Variants in AGAP1 observed in about 807,000 individuals in gnomAD.
The protein encoded by AGAP1 is arf-GAP with GTPase, ANK repeat and PH domain-containing protein 1.
A neutral mutation model predicts 105.3 loss-of-function variants in AGAP1; 29 were observed. The ratio of observed to expected loss-of-function variants is 0.28; its 90% CI spans 0.21 to 0.38. The LOEUF is 0.38. AGAP1 is among the 10% of genes least tolerant of loss of function. The probability of loss-of-function intolerance (pLI) is 1.00; values close to 1 mark genes in which losing one functional copy is unlikely to be tolerated. For missense variants in AGAP1, 998 were observed against 1,165.1 expected (o/e 0.86, Z 2.09); for synonymous variants, 509 against 485.9 (o/e 1.05, Z -0.63).
Position 236,082,438 on chromosome 2 carries a change from G to T in AGAP1, c.2114+33157G>T, listed in dbSNP as rs1453308649. Among the ~76,000 whole-genome samples the T allele has an allele frequency of 6.6e-6, 1 of 152,196 alleles. No homozygotes were observed. The highest frequency in any genetic ancestry group is 1.5e-5 in the Non-Finnish European group (1 of 68,040). On this transcript the variant is annotated intron_variant, in intron 16 of 17. Coordinates refer to ENST00000304032, the MANE Select transcript of AGAP1 (RefSeq NM_001037131.3). The surrounding 1 kb of genome is among the most constrained non-coding windows in gnomAD (Gnocchi z 4.2). ...CTCACCCACCAGGTCCTGCTACGGG[G>T]CCGCTGCCCATTTGATCTCTCAGGG...
At chr2:235,589,189 GTTTTGTTTTTTTTTTTT>G (rs377320956) in intron 1 of AGAP1, among the ~76,000 whole-genome samples, 9,296 of 54,942 alleles carry the variant, frequency 0.17, 1,108 homozygotes, top group East Asian at 0.38. Flanking sequence ...ATAGCTTATT[GTTTTGTTTTTTTTTTTT>G]TTTTTTTTTT....
At chr2:235,683,371 G>C (rs1031343720) in intron 1 of AGAP1, among the ~76,000 whole-genome samples, 1 of 151,938 alleles carries the variant, frequency 6.6e-6, no homozygotes, top group African/African-American at 2.4e-5. Context: ...AACTATTTTA[G>C]ATACCATTGT....
rs187651572 is a variant in AGAP1 at position 235,660,992 on chromosome 2, C to T, written c.164-48187C>T. 8.5e-4 allele frequency among the ~76,000 whole-genome samples: 129 copies of T among 152,210 alleles called. No individual in the cohort carries two copies. Among genetic ancestry groups the T allele is most frequent in the East Asian group, 1.2e-3 (6 of 5,166 alleles). On this transcript the variant is annotated intron_variant, in intron 1 of 17. Coordinates refer to ENST00000304032, the MANE Select transcript of AGAP1 (RefSeq NM_001037131.3). This position sits in a 1 kb window ranked among gnomAD's most constrained non-coding sequence, Gnocchi z 5.3. ...GGGCGTTGAATACTGGTTAAGGAAA[C>T]GGACGCTTTATTCTGCAGGTGACAG...
At position 235,875,460 on chromosome 2, in the gene AGAP1, C is replaced by G. The variant is rs1179352333; in HGVS notation, c.1051-7885C>G. On this transcript the variant is annotated intron_variant, in intron 9 of 17. Coordinates refer to ENST00000304032, the MANE Select transcript of AGAP1 (RefSeq NM_001037131.3). The surrounding 1 kb of genome is among the most constrained non-coding windows in gnomAD (Gnocchi z 4.0). ...TCAGGGCTGAGAACCCAGCACAGGT[C>G]TGTGATGCCCACGAGGCTGTGCGGC... Among the ~76,000 whole-genome samples, 1 of 152,176 alleles carries G rather than the reference C, an allele frequency of 6.6e-6. No homozygotes were observed. The highest frequency in any genetic ancestry group is 1.5e-5 in the Non-Finnish European group (1 of 68,036).
rs191656392 is a variant in AGAP1 at position 235,951,019 on chromosome 2, A to C, written c.1484-17443A>C. On this transcript the variant is annotated intron_variant, in intron 12 of 17. Coordinates refer to ENST00000304032, the MANE Select transcript of AGAP1 (RefSeq NM_001037131.3). The surrounding 1 kb of genome is among the most constrained non-coding windows in gnomAD (Gnocchi z 4.2). ...TCTTTTTTACAAAAAGAATATTCTAATAGTATCTAATAGTAATGGTGAATT... is the reference window on the plus strand; with the variant it reads ...TCTTTTTTACAAAAAGAATATTCTACTAGTATCTAATAGTAATGGTGAATT... Among the ~76,000 whole-genome samples, 1 of 151,510 alleles carries C rather than the reference A, an allele frequency of 6.6e-6. No homozygotes were observed. Among genetic ancestry groups the C allele is most frequent in the Non-Finnish European group, 1.5e-5 (1 of 67,946 alleles).
At position 235,906,237 on chromosome 2, in the gene AGAP1, G is replaced by T. The variant is rs1575746752; in HGVS notation, c.1156-2501G>T. On this transcript the variant is annotated intron_variant, in intron 10 of 17. Transcript: ENST00000304032. This position sits in a 1 kb window ranked among gnomAD's most constrained non-coding sequence, Gnocchi z 5.3. Reference sequence around the variant, plus strand: ...TGATGTGAGATGCACGCGTGCCAGGGTTTTCTGCCTGGATAGCCTGTCTGT... The same window carrying T: ...TGATGTGAGATGCACGCGTGCCAGGTTTTTCTGCCTGGATAGCCTGTCTGT... 6.6e-6 allele frequency among the ~76,000 whole-genome samples: 1 copy of T among 152,194 alleles called. No individual in the cohort carries two copies. Among genetic ancestry groups the T allele is most frequent in the Non-Finnish European group, 1.5e-5 (1 of 68,028 alleles).
intron 1 of AGAP1, among the ~76,000 whole-genome samples, chr2:235,512,012 G>GAT (rs377514517): frequency 7.1e-6 from 1 of 141,374 alleles, no homozygotes; most frequent in Non-Finnish European, 1.5e-5. Context: ...GTGTGACTGT[G>GAT]TGAATGTGTG....
chr2:235,798,357 A>G (rs1193021260), intron 7 of AGAP1, among the ~76,000 whole-genome samples: 1 of 152,264 alleles, frequency 6.6e-6, no homozygotes, highest in Non-Finnish European at 1.5e-5. Context: ...CTTGGAAGCA[A>G]ATGAAATAAT....
intron 1 of AGAP1, among the ~76,000 whole-genome samples, chr2:235,624,602 T>G (rs1164143364): frequency 1.3e-5 from 2 of 152,228 alleles, no homozygotes; most frequent in East Asian, 3.8e-4. Flanking sequence ...TGTGCGTGTG[T>G]GCTGGCATTG....
chr2:235,787,405 CTTCT>C lies in AGAP1; in HGVS notation c.674-10351_674-10348del, dbSNP rs1255047712. On this transcript the variant is annotated intron_variant, in intron 6 of 17. Coordinates refer to ENST00000304032, the MANE Select transcript of AGAP1 (RefSeq NM_001037131.3). The surrounding 1 kb of genome is among the most constrained non-coding windows in gnomAD (Gnocchi z 4.4). The stretch of plus-strand genomic sequence containing the variant: ...AGTATTTCCCCCTTGCAGATTATTC[CTTCT>C]TTGTCTGCATCATAGACACACGCCT... 1.7e-4 allele frequency among the ~76,000 whole-genome samples: 26 copies of C among 152,158 alleles called. No individual in the cohort carries two copies. Among genetic ancestry groups the C allele is most frequent in the African/African-American group, 5.8e-4 (24 of 41,414 alleles).
At chr2:235,657,367 G>T (rs1947806250) in intron 1 of AGAP1, among the ~76,000 whole-genome samples, 1 of 152,094 alleles carries the variant, frequency 6.6e-6, no homozygotes. Context: ...TTAAGAATAA[G>T]TGATGTTGTT....
intron 8 of AGAP1, 93 bp from the exon 9 acceptor site, chr2:235,807,142 CTAAA>C: frequency 7.9e-7 from 1 of 1,259,590 alleles, no homozygotes; most frequent in Admixed American, 2.2e-5. Context: ...CGCATGTTTT[CTAAA>C]TGTGTATTGG....
At chr2:235,816,900 A>G (rs1286720207) in intron 9 of AGAP1, among the ~76,000 whole-genome samples, 1 of 150,226 alleles carries the variant, frequency 6.7e-6, no homozygotes, top group Non-Finnish European at 1.5e-5. Context: ...AAAAAAAAAG[A>G]TATCTACCAA....
chr2:235,763,635 C>G (rs1954651851), intron 6 of AGAP1, among the ~76,000 whole-genome samples: 1 of 152,198 alleles, frequency 6.6e-6, no homozygotes, highest in African/African-American at 2.4e-5. Context: ...GACTGGCCTT[C>G]CAGGAGACCT....
At chr2:235,923,714 C>G (rs758062041) in intron 11 of AGAP1, among the ~76,000 whole-genome samples, 1 of 152,142 alleles carries the variant, frequency 6.6e-6, no homozygotes, top group African/African-American at 2.4e-5. Flanking sequence ...TCCGTTGTGC[C>G]GTGATGTACC....
intron 1 of AGAP1, among the ~76,000 whole-genome samples, chr2:235,626,624 A>G (rs552789379): frequency 6.6e-6 from 1 of 152,298 alleles, no homozygotes; most frequent in Admixed American, 6.5e-5. Context: ...TCTTTTCCTC[A>G]ATGAACACGC....
At position 235,577,181 on chromosome 2, in the gene AGAP1, G is replaced by T. The variant is rs1389185665; in HGVS notation, c.163+82332G>T. 2.0e-5 allele frequency among the ~76,000 whole-genome samples: 3 copies of T among 152,148 alleles called. No homozygotes were observed. In the East Asian group the frequency reaches 5.8e-4, roughly 29 times the overall value. On this transcript the variant is annotated intron_variant, in intron 1 of 17. Coordinates refer to ENST00000304032, the MANE Select transcript of AGAP1 (RefSeq NM_001037131.3). This position sits in a 1 kb window ranked among gnomAD's most constrained non-coding sequence, Gnocchi z 4.5. ...ATTAGAAAAAATAAAAGAAACAGAT[G>T]AAATTAATTTTAATAAACTGTTTAA...
In AGAP1 at chr2:236,061,881, GA is replaced by G. The variant is rs35303117; in HGVS notation, c.2114+12614del. Among the ~76,000 whole-genome samples the G allele has an allele frequency of 0.034, 4,145 of 121,162 alleles. 161 individuals are homozygous for G. Among genetic ancestry groups the G allele is most frequent in the African/African-American group, 0.11 (3,697 of 33,778 alleles). 79.5% of individuals were successfully genotyped at this position (121,162 alleles called of 152,430 possible). ...ATGGTATATAAATTATGTCAATTTTGAAAAAAAAAAAAAAGGAATTTCCAAA... is the reference window on the plus strand; with the variant it reads ...ATGGTATATAAATTATGTCAATTTTGAAAAAAAAAAAAAGGAATTTCCAAA... On this transcript the variant is annotated intron_variant, in intron 16 of 17. Transcript: ENST00000304032. This position sits in a 1 kb window ranked among gnomAD's most constrained non-coding sequence, Gnocchi z 4.1.
chr2:235,986,865 T>C (rs2055335899), intron 13 of AGAP1, among the ~76,000 whole-genome samples: 1 of 152,218 alleles, frequency 6.6e-6, no homozygotes, highest in Admixed American at 6.5e-5. Flanking sequence ...GCTGCTGGAC[T>C]CTTTTTGCCA....
Sources: allele counts gnomAD v4.1 joint callset (sites outside exome capture counted in the v4.1 genomes callset), GRCh38; gene constraint gnomAD v4.1.1; non-coding constraint Gnocchi (gnomAD v3.1); transcripts MANE v1.5; gene names NCBI Gene and HGNC (gene_info 2026-07-23, HGNC 2026-07-21).